VPS53: variants seen among roughly 807,000 people sequenced by gnomAD.
VPS53 encodes the protein VPS53 subunit of GARP complex, also known as vacuolar protein sorting-associated protein 53 homolog.
Under a neutral mutation model 107.0 loss-of-function variants are expected in VPS53, and 70 were observed. The ratio of observed to expected loss-of-function variants is 0.65; its 90% CI spans 0.54 to 0.80. VPS53 has a LOEUF of 0.80. VPS53 is among the 30% of genes least tolerant of loss of function. The probability of loss-of-function intolerance (pLI) is 0.00; values close to 1 mark genes in which losing one functional copy is unlikely to be tolerated. For synonymous variants in VPS53, 409 were observed against 393.3 expected (o/e 1.04, Z -0.47); for missense variants, 917 against 1,049.4 (o/e 0.87, Z 1.74).
rs1908327495 is a variant in VPS53 at position 516,544 on chromosome 17, T to C, written c.*2584A>G. On this transcript the variant is annotated 3_prime_UTR_variant, in exon 22 of 22. Transcript: ENST00000437048. ...ACACCCCGGTAATTTTTGTATTTTT[T>C]GTAGAGATGGGGTTTCACCATATTG... The C allele has an allele frequency of 1.3e-5, 2 of 152,040 alleles. No individual in the cohort carries two copies. Among genetic ancestry groups the C allele is most frequent in the African/African-American group, 2.4e-5 (1 of 41,396 alleles). The allele number at this position is 152,040 out of a possible 1,614,324, so 9.4% of individuals were successfully genotyped here.
At chr17:712,238 T>C (rs7219066) in intron 1 of VPS53, among the ~76,000 whole-genome samples, 6,840 of 145,658 alleles carry the variant, frequency 0.047, 548 homozygotes, top group African/African-American at 0.17. Context: ...TGGAAGGCAG[T>C]GGCACCATCT....
chr17:576,811 C>G (rs1914654086), intron 13 of VPS53, among the ~76,000 whole-genome samples: 1 of 150,350 alleles, frequency 6.7e-6, no homozygotes, highest in Non-Finnish European at 1.5e-5. Context: ...CCCTCAGAAC[C>G]CAATATGTGC....
chr17:700,193 T>G (rs140027175), intron 2 of VPS53, among the ~76,000 whole-genome samples: 17 of 152,306 alleles, frequency 1.1e-4, no homozygotes, highest in African/African-American at 3.8e-4. Flanking sequence ...AGTTGCAGCA[T>G]TAGTAGCTAT....
intron 4 of VPS53, among the ~76,000 whole-genome samples, chr17:693,214 C>T (rs1972835907): frequency 6.6e-6 from 1 of 152,156 alleles, no homozygotes; most frequent in South Asian, 2.1e-4. Context: ...TTACATACAG[C>T]TCCAAATCAC....
At chr17:599,422 C>T (rs1276247594) in intron 12 of VPS53, among the ~76,000 whole-genome samples, 18 of 151,860 alleles carry the variant, frequency 1.2e-4, no homozygotes, top group African/African-American at 4.3e-4. Flanking sequence ...ACTTCTTCTG[C>T]CTTGGGATCC....
intron 11 of VPS53, among the ~76,000 whole-genome samples, chr17:622,527 C>T (rs1036583616): frequency 3.9e-5 from 6 of 152,164 alleles, no homozygotes; most frequent in Admixed American, 6.6e-5. Context: ...CTGCACGACT[C>T]GAGGAGACGG....
At chr17:642,565 C>A (rs1970469566) in intron 7 of VPS53, among the ~76,000 whole-genome samples, 1 of 149,634 alleles carries the variant, frequency 6.7e-6, no homozygotes, top group Non-Finnish European at 1.5e-5. Flanking sequence ...AAATCAAGGA[C>A]AACACTCATA....
chr17:537,511 C>A (rs769477121), intron 17 of VPS53: 57 of 199,410 alleles, frequency 2.9e-4, no homozygotes, highest in Admixed American at 2.3e-3. Context: ...CAGCAGGGGA[C>A]TGCAGCAGAA....
Position 661,897 on chromosome 17 carries a change from T to C in VPS53, c.286-2A>G. On this transcript the variant is annotated splice_acceptor_variant, in intron 4 of 21. Transcript: ENST00000437048. LOFTEE classifies it high-confidence loss of function. ...AGCTTTCTGAGCCTCTTCAAGCGCC[T>C]AGAGTAAGGGAAATACATGAAAAAC... 6.4e-7 allele frequency: 1 copy of C among 1,551,892 alleles called. No individual in the cohort carries two copies. The highest frequency in any genetic ancestry group is 8.7e-7 in the Non-Finnish European group (1 of 1,146,940).
chr17:586,272 G>T lies in VPS53; in HGVS notation c.1311C>A (p.Asp437Glu), dbSNP rs1266345858. The change falls in exon 13 of 22, where the codon GAC becomes GAA. Residue 437 changes from aspartate (D) to glutamate (E), a missense_variant and splice_region_variant. Coordinates refer to ENST00000437048, the MANE Select transcript of VPS53 (RefSeq NM_001128159.3). ...AACAGCGAATGTTCCTCACTCACTT[G>T]TCTTGGGATTCGATATACACGTAGA... Reference protein sequence around the residue: ...PHLYVYIESQDKNLGELIDRF... With the variant: ...PHLYVYIESQEKNLGELIDRF... 6.2e-7 allele frequency: 1 copy of T among 1,613,734 alleles called. No individual in the cohort carries two copies. Among genetic ancestry groups the T allele is most frequent in the East Asian group, 2.2e-5 (1 of 44,870 alleles).
At chr17:641,347 A>G (rs1454341826) in intron 7 of VPS53, among the ~76,000 whole-genome samples, 2 of 152,250 alleles carry the variant, frequency 1.3e-5, no homozygotes, top group Non-Finnish European at 2.9e-5. Context: ...GACTTGAAAG[A>G]ATTTATCTTT....
Position 519,155 on chromosome 17 carries a change from G to C in VPS53, c.2472C>G (p.Leu824=). The C allele has an allele frequency of 3.2e-6, 5 of 1,539,178 alleles. No individual in the cohort carries two copies. The highest frequency in any genetic ancestry group is 4.4e-6 in the Non-Finnish European group (5 of 1,142,072). The change falls in exon 22 of 22, where the codon CTC becomes CTG. Residue 824 remains leucine, a synonymous_variant. Transcript: ENST00000437048. The surrounding 1 kb of genome is among the most constrained non-coding windows in gnomAD (Gnocchi z 5.0). ...PEQESSRIRK[L]EKLIKKRL Reference sequence around the variant, plus strand: ...ACAGTCTCTTTTTAATGAGTTTCTCGAGCTTGCGGATGCGTGACGACTCTT... The same window carrying C: ...ACAGTCTCTTTTTAATGAGTTTCTCCAGCTTGCGGATGCGTGACGACTCTT...
chr17:702,606 C>A (rs565445806), intron 2 of VPS53, among the ~76,000 whole-genome samples: 1 of 151,980 alleles, frequency 6.6e-6, no homozygotes, highest in African/African-American at 2.4e-5. Flanking sequence ...GCAGAGGTTG[C>A]GGTGAGCCGA....
At chr17:540,343 T>C (rs1910530710) in intron 17 of VPS53, 1 of 151,892 alleles carries the variant, frequency 6.6e-6, no homozygotes, top group African/African-American at 2.4e-5. Context: ...ACTACCATGC[T>C]CAGCTAATTA....
chr17:707,078 C>T (rs1973434662), intron 2 of VPS53, among the ~76,000 whole-genome samples: 2 of 152,222 alleles, frequency 1.3e-5, no homozygotes, highest in East Asian at 3.8e-4. Flanking sequence ...TGCCACACTG[C>T]CCCCTGGGGT....
chr17:665,553 G>A (rs1971645023), intron 4 of VPS53, among the ~76,000 whole-genome samples: 1 of 152,218 alleles, frequency 6.6e-6, no homozygotes, highest in Non-Finnish European at 1.5e-5. Context: ...GGACAGATGT[G>A]GAACAGTCTT....
intron 2 of VPS53, 51 bp downstream of exon 2, chr17:710,482 C>T (rs142341057): frequency 6.9e-7 from 1 of 1,440,396 alleles, no homozygotes; most frequent in East Asian, 2.3e-5. Flanking sequence ...GCATAACACC[C>T]AAGATGTGCC....
intron 5 of VPS53, among the ~76,000 whole-genome samples, chr17:658,440 T>A (rs1451889935): frequency 7.0e-6 from 1 of 142,694 alleles, no homozygotes; most frequent in Non-Finnish European, 1.5e-5. Context: ...CGTGGATAGA[T>A]ACATCCCACT....
rs1910050026 is a variant in VPS53, at chr17:536,236, G to T, written c.2015+792C>A. The stretch of plus-strand genomic sequence containing the variant: ...CCTTGGCCAGGGAGCTCCCTGGCTT[G>T]TGCATCCCAATTTCTAGTGCCTTCC... On this transcript the variant is annotated intron_variant, in intron 18 of 21. Transcript: ENST00000437048. Among the ~76,000 whole-genome samples the T allele has an allele frequency of 2.0e-5, 3 of 152,116 alleles. No homozygotes were observed. The South Asian group carries it at 6.2e-4, about 32-fold the overall frequency.
Sources: gnomAD v4.1 joint callset for allele counts (sites outside exome capture counted in the v4.1 genomes callset) on GRCh38, gnomAD v4.1.1 for gene constraint, Gnocchi (gnomAD v3.1) non-coding constraint, MANE v1.5 for transcripts, NCBI Gene and HGNC (gene_info 2026-07-23, HGNC 2026-07-21) for gene names.